The following EEIG1 variants were observed in gnomAD, a reference collection of about 807,000 sequenced individuals.
The protein encoded by EEIG1 is early estrogen-induced gene 1 protein.
At chr9:127,965,106 C>CAAAAAAAA in the EEIG1 span, among the ~76,000 whole-genome samples, 18 of 69,724 alleles carry the variant, frequency 2.6e-4, no homozygotes, top group East Asian at 6.5e-4. Flanking sequence ...AAGACTGTCT[C>CAAAAAAAA]AAAAAAAAAA....
At chr9:127,968,454 C>T in the EEIG1 span, among the ~76,000 whole-genome samples, 2 of 152,166 alleles carry the variant, frequency 1.3e-5, no homozygotes, top group African/African-American at 4.8e-5. Context: ...CTCTGTTTTG[C>T]TCACTGCTGC....
At chr9:127,954,955 C>T in the EEIG1 span, among the ~76,000 whole-genome samples, 9 of 152,310 alleles carry the variant, frequency 5.9e-5, no homozygotes, top group Non-Finnish European at 1.0e-4. Context: ...CCAACTGCTG[C>T]GGGGGCCTTG....
At chr9:127,965,259 G>A in the EEIG1 span, among the ~76,000 whole-genome samples, 1 of 151,880 alleles carries the variant, frequency 6.6e-6, no homozygotes, top group Non-Finnish European at 1.5e-5. Context: ...GCTGTCCTGC[G>A]CACTGTGGGA....
At chr9:127,950,813 T>C in the EEIG1 span, 1 of 729,082 alleles carries the variant, frequency 1.4e-6, no homozygotes, top group Non-Finnish European at 1.9e-6. Flanking sequence ...CCAGTGCGCC[T>C]GACATGAAAG....
At chr9:127,965,241 T>C in the EEIG1 span, among the ~76,000 whole-genome samples, 1 of 151,882 alleles carries the variant, frequency 6.6e-6, no homozygotes, top group African/African-American at 2.4e-5. Flanking sequence ...GGTTTCTTTT[T>C]GTGAGGGGCT....
the EEIG1 span, among the ~76,000 whole-genome samples, chr9:127,962,737 TAAG>T: frequency 6.6e-6 from 1 of 152,070 alleles, no homozygotes; most frequent in African/African-American, 2.4e-5. Context: ...AGATGTTTAT[TAAG>T]AAAACAGGCC....
At chr9:127,961,289 GCATGGGGCA>G in the EEIG1 span, among the ~76,000 whole-genome samples, 1 of 152,066 alleles carries the variant, frequency 6.6e-6, no homozygotes, top group Non-Finnish European at 1.5e-5. Context: ...CAGGTGGCAT[GCATGGGGCA>G]TGATCCCATG....
chr9:127,973,194 C>T, the EEIG1 span, among the ~76,000 whole-genome samples: 22 of 152,294 alleles, frequency 1.4e-4, no homozygotes, highest in African/African-American at 5.1e-4. The surrounding 1 kb of genome is among the most constrained non-coding windows in gnomAD (Gnocchi z 4.2). Flanking sequence ...AGGGTCACTG[C>T]ATAGCAGTCA....
the EEIG1 span, among the ~76,000 whole-genome samples, chr9:127,961,336 G>GAA: frequency 3.9e-5 from 6 of 152,220 alleles, no homozygotes; most frequent in African/African-American, 1.4e-4. Context: ...GGTGGGAGAT[G>GAA]AACACAGGCT....
At chr9:127,970,614 G>A in the EEIG1 span, among the ~76,000 whole-genome samples, 6 of 152,254 alleles carry the variant, frequency 3.9e-5, no homozygotes, top group South Asian at 1.2e-3. Context: ...TCTGCAACCT[G>A]CAGTCCCAAG....
the EEIG1 span, among the ~76,000 whole-genome samples, chr9:127,958,801 G>C: frequency 2.6e-5 from 4 of 152,086 alleles, no homozygotes; most frequent in Non-Finnish European, 5.9e-5. Context: ...CTGGTATCCA[G>C]AATATATAAA....
chr9:127,946,135 A>C, the EEIG1 span, among the ~76,000 whole-genome samples: 1 of 152,366 alleles, frequency 6.6e-6, no homozygotes, highest in Middle Eastern at 3.4e-3. Flanking sequence ...GCAGACCTCC[A>C]GGACACATTG....
At chr9:127,953,504 A>G in the EEIG1 span, 4 of 1,418,860 alleles carry the variant, frequency 2.8e-6, no homozygotes, top group South Asian at 1.2e-5. Context: ...AAGGGGCTGG[A>G]GGCTTCCCTT....
the EEIG1 span, among the ~76,000 whole-genome samples, chr9:127,964,098 G>A: frequency 1.3e-5 from 2 of 152,130 alleles, no homozygotes; most frequent in East Asian, 1.9e-4. Context: ...CTGGAAAGCC[G>A]GGGGGTGGAT....
At chr9:127,945,194 C>T in the EEIG1 span, among the ~76,000 whole-genome samples, 1 of 152,198 alleles carries the variant, frequency 6.6e-6, no homozygotes, top group African/African-American at 2.4e-5. The surrounding 1 kb of genome is among the most constrained non-coding windows in gnomAD (Gnocchi z 6.5). Flanking sequence ...ACAGAACCTG[C>T]TGCACGCCGG....
At chr9:127,978,635 T>C in the EEIG1 span, among the ~76,000 whole-genome samples, 2 of 151,686 alleles carry the variant, frequency 1.3e-5, no homozygotes, top group Non-Finnish European at 1.5e-5. Flanking sequence ...CAGTCAGGAG[T>C]TCGAGACCAG....
chr9:127,959,933 T>C, the EEIG1 span, among the ~76,000 whole-genome samples: 14,621 of 152,266 alleles, frequency 0.096, 749 homozygotes, highest in African/African-American at 0.11. Context: ...TTCTAAAATT[T>C]GTTGTGATGA....
the EEIG1 span, among the ~76,000 whole-genome samples, chr9:127,980,718 G>A: frequency 7.3e-5 from 11 of 149,986 alleles, no homozygotes; most frequent in African/African-American, 2.2e-4. Flanking sequence ...GAGCTCGGGG[G>A]CCTCTCCAGG....
chr9:127,965,092 G>T, the EEIG1 span, among the ~76,000 whole-genome samples: 1 of 113,124 alleles, frequency 8.8e-6, no homozygotes, highest in African/African-American at 3.5e-5. Flanking sequence ...CTGGGTGACA[G>T]AGCAAGACTG....
Sources: gnomAD v4.1 joint callset for allele counts (sites outside exome capture counted in the v4.1 genomes callset) on GRCh38, gnomAD v4.1.1 for gene constraint, Gnocchi (gnomAD v3.1) non-coding constraint, MANE v1.5 for transcripts, NCBI Gene and HGNC (gene_info 2026-07-23, HGNC 2026-07-21) for gene names.